Variants in SLC38A6 observed in about 807,000 individuals in gnomAD.
SLC38A6 encodes solute carrier family 38 member 6, also known as N system amino acid transporter NAT-1.
A neutral mutation model predicts 65.0 loss-of-function variants in SLC38A6; 73 were observed. The observed-to-expected ratio is 1.12, with a 90% confidence interval of 0.93 to 1.37. The LOEUF (loss-of-function observed/expected upper bound fraction) is 1.37. Among genes scored for constraint, SLC38A6 ranks in the 40% most tolerant of loss-of-function variants. The probability of loss-of-function intolerance (pLI) is 0.00; values close to 1 mark genes in which losing one functional copy is unlikely to be tolerated. For synonymous variants in SLC38A6, 183 were observed against 178.8 expected, an observed-to-expected ratio of 1.02 and a Z score of -0.19; for missense variants, 561 against 531.1, an observed-to-expected ratio of 1.06 and a Z score of -0.55.
chr14:61,038,040 C>G (rs1025780162), intron 8 of SLC38A6, among the ~76,000 whole-genome samples: 3 of 151,998 alleles, frequency 2.0e-5, no homozygotes, highest in African/African-American at 4.8e-5. Context: ...CTGTTTGAGA[C>G]TAGTCATCTT....
intron 3 of SLC38A6, among the ~76,000 whole-genome samples, chr14:61,013,241 A>T (rs1398128236): frequency 6.6e-6 from 1 of 152,162 alleles, no homozygotes; most frequent in Admixed American, 6.5e-5. Flanking sequence ...TGCTTGGTAG[A>T]TCTTCCTCCA....
intron 15 of SLC38A6, among the ~76,000 whole-genome samples, chr14:61,076,044 G>A (rs941167593): frequency 2.0e-5 from 3 of 151,880 alleles, no homozygotes; most frequent in Non-Finnish European, 1.5e-5. Flanking sequence ...TAGTAGAGAC[G>A]AGGTTTCTCC....
intron 3 of SLC38A6, among the ~76,000 whole-genome samples, chr14:61,006,622 G>T (rs1423285531): frequency 2.0e-5 from 3 of 152,196 alleles, no homozygotes; most frequent in African/African-American, 7.2e-5. Context: ...AAACCACAAT[G>T]AGATACCATC....
chr14:60,996,380 A>G (rs2038295243), intron 3 of SLC38A6, among the ~76,000 whole-genome samples: 1 of 152,190 alleles, frequency 6.6e-6, no homozygotes, highest in Non-Finnish European at 1.5e-5. Flanking sequence ...CAAAAGTCCT[A>G]GAAGTCAAAA....
chr14:61,010,413 C>T (rs1410249178), intron 3 of SLC38A6, among the ~76,000 whole-genome samples: 9 of 152,258 alleles, frequency 5.9e-5, no homozygotes, highest in East Asian at 1.9e-4. Context: ...TTGGCTTTTG[C>T]TGCCATTGCT....
chr14:61,047,970 GATAGATACATACATACATACATACATAC>G (rs768160171), intron 12 of SLC38A6, among the ~76,000 whole-genome samples: 95 of 141,652 alleles, frequency 6.7e-4, no homozygotes, highest in East Asian at 3.0e-3. Flanking sequence ...TAGATAGATA[GATAGATACATACATACATACATACATAC>G]ATACATACAT....
At chr14:61,011,559 A>G (rs1005104477) in intron 3 of SLC38A6, among the ~76,000 whole-genome samples, 3 of 152,146 alleles carry the variant, frequency 2.0e-5, no homozygotes, top group African/African-American at 7.2e-5. Flanking sequence ...CGTCCCATCA[A>G]TACCTAATTT....
At chr14:60,987,009 A>G (rs1479850730) in intron 3 of SLC38A6, 2 of 359,262 alleles carry the variant, frequency 5.6e-6, no homozygotes, top group Non-Finnish European at 1.1e-5. Context: ...TGAAGTGAAT[A>G]TATCTGTTTC....
chr14:61,022,597 T>C (rs998059134), intron 5 of SLC38A6, among the ~76,000 whole-genome samples: 4 of 152,016 alleles, frequency 2.6e-5, no homozygotes, highest in African/African-American at 7.2e-5. Context: ...TAAAAGATTA[T>C]ATTAAGTGTA....
chr14:60,998,536 A>G (rs937935140), intron 3 of SLC38A6, among the ~76,000 whole-genome samples: 1 of 152,060 alleles, frequency 6.6e-6, no homozygotes, highest in Non-Finnish European at 1.5e-5. Flanking sequence ...TCCATCACCT[A>G]ATACAATTCC....
chr14:61,055,113 TTTTTC>T (rs1566718083), downstream of SLC38A6, among the ~76,000 whole-genome samples: 8 of 133,162 alleles, frequency 6.0e-5, no homozygotes, highest in African/African-American at 1.9e-4. Context: ...TTTCTTTTTT[TTTTTC>T]TTTTTTTTTT....
chr14:61,071,909 G>A lies in SLC38A6; in HGVS notation c.1291-6901G>A, dbSNP rs370825441. The stretch of plus-strand genomic sequence containing the variant: ...ATTTGTTAAATCTTGTGTATTTAGG[G>A]AGTTTTCCCATGAGTGGCGTTTCTG... On this transcript the variant is annotated intron_variant, in intron 15 of 16. Transcript: ENST00000354886. Among the ~76,000 whole-genome samples the A allele has an allele frequency of 7.2e-5, 11 of 152,310 alleles. No homozygotes were observed. The South Asian group carries it at 2.3e-3, about 32-fold the overall frequency.
At chr14:61,027,592 A>G (rs1016944418) in intron 5 of SLC38A6, among the ~76,000 whole-genome samples, 1 of 152,136 alleles carries the variant, frequency 6.6e-6, no homozygotes, top group African/African-American at 2.4e-5. Flanking sequence ...CATTCCTATC[A>G]ATAGTATATC....
At chr14:61,074,520 A>G (rs192944995) in intron 15 of SLC38A6, among the ~76,000 whole-genome samples, 200 of 152,196 alleles carry the variant, frequency 1.3e-3, no homozygotes, top group Admixed American at 2.6e-3. Context: ...AAAGCCACTA[A>G]TCCCATTATG....
At chr14:61,013,097 G>C (rs1040651667) in intron 3 of SLC38A6, among the ~76,000 whole-genome samples, 79 of 152,036 alleles carry the variant, frequency 5.2e-4, no homozygotes, top group African/African-American at 1.8e-3. Flanking sequence ...ATTTAGGATA[G>C]TTAGCTCTTC....
chr14:60,988,413 C>A (rs2037612610), intron 3 of SLC38A6, among the ~76,000 whole-genome samples: 1 of 152,156 alleles, frequency 6.6e-6, no homozygotes, highest in Non-Finnish European at 1.5e-5. Context: ...TAGTTCTCTT[C>A]AGTATTACCC....
chr14:60,988,924 A>G (rs993699049), intron 3 of SLC38A6, among the ~76,000 whole-genome samples: 2 of 152,228 alleles, frequency 1.3e-5, no homozygotes, highest in African/African-American at 2.4e-5. Flanking sequence ...TATCACTATA[A>G]TTCAACGTCT....
At chr14:61,049,115 T>G (rs80085034) in intron 12 of SLC38A6, among the ~76,000 whole-genome samples, 1 of 152,206 alleles carries the variant, frequency 6.6e-6, no homozygotes, top group Non-Finnish European at 1.5e-5. Context: ...GTAGCTGTTA[T>G]GCCTGTTTGG....
chr14:61,017,221 A>G (rs1375288887), intron 4 of SLC38A6, among the ~76,000 whole-genome samples: 1 of 152,136 alleles, frequency 6.6e-6, no homozygotes, highest in African/African-American at 2.4e-5. Flanking sequence ...TTGTATTTTT[A>G]GTAGAGACAG....
Sources: gnomAD v4.1 joint callset for allele counts (sites outside exome capture counted in the v4.1 genomes callset) on GRCh38, gnomAD v4.1.1 for gene constraint, MANE v1.5 for transcripts, NCBI Gene and HGNC (gene_info 2026-07-23, HGNC 2026-07-21) for gene names.